MEIOC: variants seen among roughly 807,000 people sequenced by gnomAD.
MEIOC encodes meiosis-specific coiled-coil domain-containing protein MEIOC.
A neutral mutation model predicts 85.3 loss-of-function variants in MEIOC; 9 were observed. The ratio of observed to expected loss-of-function variants is 0.11; its 90% CI spans 0.06 to 0.18. The LOEUF is 0.18. Among genes scored for constraint, MEIOC ranks in the 10% least tolerant of loss-of-function variants. The pLI is 1.00. For missense variants in MEIOC, 898 were observed against 1,129.4 expected, an observed-to-expected ratio of 0.80 and a Z score of 2.94; for synonymous variants, 365 against 393.7, an observed-to-expected ratio of 0.93 and a Z score of 0.86.
chr17:44,673,616 T>C, intron 7 of MEIOC, 70 bp downstream of exon 7: 1 of 1,272,644 alleles, frequency 7.9e-7, no homozygotes, highest in Non-Finnish European at 1.1e-6. Context: ...AATCAGATTC[T>C]GAGGTTGAAA....
chr17:44,664,703 G>A (rs1296055111), intron 3 of MEIOC, among the ~76,000 whole-genome samples: 5 of 152,122 alleles, frequency 3.3e-5, no homozygotes, highest in Admixed American at 3.3e-4. Context: ...AACTGTAACA[G>A]GTAAAAGGTA....
intron 2 of MEIOC, among the ~76,000 whole-genome samples, chr17:44,660,218 T>TTTTTA (rs1164186129): frequency 1.1e-4 from 17 of 151,834 alleles, no homozygotes; most frequent in African/African-American, 2.7e-4. Flanking sequence ...ATCTTTTCCT[T>TTTTTA]TTTTATTTTA....
intron 2 of MEIOC, among the ~76,000 whole-genome samples, chr17:44,660,251 T>C (rs376980639): frequency 6.6e-6 from 1 of 151,934 alleles, no homozygotes. Context: ...TATTTATTTA[T>C]TTATTTTGAG....
chr17:44,676,200 A>G (rs2144681172), downstream of MEIOC: 1 of 152,328 alleles, frequency 6.6e-6, no homozygotes, highest in Non-Finnish European at 1.5e-5. Flanking sequence ...ATATCCTCTA[A>G]CAGATGGTTC....
chr17:44,669,400 C>A lies in MEIOC; in HGVS notation c.2340C>A (p.Ala780=). The A allele has an allele frequency of 6.4e-7, 1 of 1,571,502 alleles. No individual in the cohort carries two copies. Among genetic ancestry groups the A allele is most frequent in the South Asian group, 1.2e-5 (1 of 85,188 alleles). The part of the protein sequence containing the change: ...KERKKTELAL[A]KNYPGKKVSS... ...TTTTACAGACTGAATTAGCCCTTGC[C>A]AAGAATTATCCTGGAAAAAAAGTAT... The change falls in exon 6 of 8, where the codon GCC becomes GCA. Residue 780 remains alanine (A), a synonymous_variant. Coordinates refer to ENST00000409122, the MANE Select transcript of MEIOC (RefSeq NM_001145080.3).
chr17:44,656,562 C>T lies in MEIOC; in HGVS notation c.-52C>T. Reference sequence around the variant, plus strand: ...CCGGGCCTGGACGCCCCCCCCATCACCCCCGTACCCCAGGAGCTGTGCCTA... The same window carrying T: ...CCGGGCCTGGACGCCCCCCCCATCATCCCCGTACCCCAGGAGCTGTGCCTA... On this transcript the variant is annotated 5_prime_UTR_variant, in exon 1 of 8. Coordinates refer to ENST00000409122, the MANE Select transcript of MEIOC (RefSeq NM_001145080.3). 3 of 1,349,028 alleles carry T rather than the reference C, an allele frequency of 2.2e-6. No homozygotes were observed. Among genetic ancestry groups the T allele is most frequent in the Non-Finnish European group, 2.9e-6 (3 of 1,032,516 alleles). The allele number at this position is 1,349,028 out of a possible 1,614,324, so 83.6% of individuals were successfully genotyped here.
chr17:44,667,833 A>G lies in MEIOC; in HGVS notation c.1922A>G (p.Gln641Arg). The change falls in exon 5 of 8, where the codon CAG becomes CGG. Residue 641 changes from glutamine (Q) to arginine (R), a missense_variant. Gln to Arg is a conservative substitution (Grantham distance 43). This residue lies in a region of MEIOC where 734 missense variants were observed against 860.1 expected (regional missense o/e 0.85). Coordinates refer to ENST00000409122, the MANE Select transcript of MEIOC (RefSeq NM_001145080.3). ...QNTYQDLLES[Q>R]GHSNSHRTRG... is the part of the protein sequence containing the mutation. Reference sequence around the variant, plus strand: ...ACATACCAAGATCTACTGGAGTCACAGGGTCATTCTAATAGCCACAGAACG... The same window carrying G: ...ACATACCAAGATCTACTGGAGTCACGGGGTCATTCTAATAGCCACAGAACG... The G allele has an allele frequency of 6.2e-7, 1 of 1,613,948 alleles. No individual in the cohort carries two copies. Among genetic ancestry groups the G allele is most frequent in the Non-Finnish European group, 8.5e-7 (1 of 1,179,868 alleles).
intron 5 of MEIOC, among the ~76,000 whole-genome samples, chr17:44,669,151 C>T (rs182203605): frequency 4.0e-5 from 6 of 151,668 alleles, no homozygotes; most frequent in African/African-American, 9.7e-5. Flanking sequence ...TACAGTGAGC[C>T]GAGACTGCAC....
Position 44,674,428 on chromosome 17 carries a change from GA to G in MEIOC, c.*233del. 1 of 1,255,106 alleles carries G rather than the reference GA, an allele frequency of 8.0e-7. No homozygotes were observed. The highest frequency in any genetic ancestry group is 1.0e-6 in the Non-Finnish European group (1 of 997,020). 77.7% of individuals were successfully genotyped at this position (1,255,106 alleles called of 1,614,324 possible). On this transcript the variant is annotated 3_prime_UTR_variant, in exon 8 of 8. Coordinates refer to ENST00000409122, the MANE Select transcript of MEIOC (RefSeq NM_001145080.3). ...GACTACTCAGAGTTCTGAGTAGTCA[GA>G]TAACAAGTTTAAGTAAATTAAATAT...
In MEIOC at chr17:44,675,625, T is replaced by C. The variant is rs1447956107; in HGVS notation, c.*1429T>C. Reference sequence around the variant, plus strand: ...GGGAGAAACATTTTGATCACTGATATGCCTTAGAACTACCCAAATGAATTA... The same window carrying C: ...GGGAGAAACATTTTGATCACTGATACGCCTTAGAACTACCCAAATGAATTA... On this transcript the variant is annotated 3_prime_UTR_variant, in exon 8 of 8. Coordinates refer to ENST00000409122, the MANE Select transcript of MEIOC (RefSeq NM_001145080.3). 1 of 984,726 alleles carries C rather than the reference T, an allele frequency of 1.0e-6. No homozygotes were observed. The highest frequency in any genetic ancestry group is 6.2e-5 in the Admixed American group (1 of 16,254). The allele number at this position is 984,726 out of a possible 1,614,324, so 61.0% of individuals were successfully genotyped here. A position where few individuals can be genotyped will look rare whatever the true frequency, so the allele number is the denominator to read the frequency against.
chr17:44,674,095 G>A lies in MEIOC; in HGVS notation c.2758G>A (p.Val920Ile). 2 of 1,551,730 alleles carry A rather than the reference G, an allele frequency of 1.3e-6. No homozygotes were observed. The highest frequency in any genetic ancestry group is 1.7e-6 in the Non-Finnish European group (2 of 1,147,004). ...LPKTASTADV[V>I]KPLQDTVNCE... Reference sequence around the variant, plus strand: ...AAAAACAGCCAGTACAGCTGATGTGGTAAAGCCTTTACAAGATACAGTAAA... The same window carrying A: ...AAAAACAGCCAGTACAGCTGATGTGATAAAGCCTTTACAAGATACAGTAAA... The change falls in exon 8 of 8, where the codon GTA becomes ATA. Residue 920 changes from valine (V) to isoleucine (I), a missense_variant. Physicochemically the swap from Val to Ile is conservative, Grantham distance 29. Transcript: ENST00000409122.
chr17:44,666,748 C>T lies in MEIOC; in HGVS notation c.837C>T (p.Ile279=), dbSNP rs749202239. 4 of 1,609,706 alleles carry T rather than the reference C, an allele frequency of 2.5e-6. No individual in the cohort carries two copies. In the South Asian group the frequency reaches 4.4e-5, roughly 18 times the overall value. ...CACCCCAAACTGGTCTGTCTGATAT[C>T]ATGAAAGAATCAGGAGTTGATATCT... is the stretch of plus-strand genomic sequence containing the variant. The part of the protein sequence containing the change: ...CFTPQTGLSD[I]MKESGVDIYH... Residue 279 remains isoleucine (I), a synonymous_variant, in exon 5 of 8, where the codon ATC becomes ATT. Transcript: ENST00000409122.
chr17:44,676,657 C>T (rs550203758), downstream of MEIOC, among the ~76,000 whole-genome samples: 1 of 152,126 alleles, frequency 6.6e-6, no homozygotes, highest in Non-Finnish European at 1.5e-5. Context: ...CCCATCTCTA[C>T]TAAAAATACA....
chr17:44,662,264 C>G, intron 2 of MEIOC, 53 bp from the exon 3 acceptor site: 2 of 1,329,940 alleles, frequency 1.5e-6, no homozygotes, highest in Non-Finnish European at 2.1e-6. Context: ...TTCTCATATT[C>G]TACAACAAAT....
chr17:44,659,525 A>G (rs1048252555), intron 2 of MEIOC, among the ~76,000 whole-genome samples: 1 of 152,224 alleles, frequency 6.6e-6, no homozygotes, highest in African/African-American at 2.4e-5. Flanking sequence ...TGAATCCACC[A>G]CATTACTTTA....
At chr17:44,657,377 ACTTTT>A in intron 2 of MEIOC, 116 bp downstream of exon 2, 3 of 836,690 alleles carry the variant, frequency 3.6e-6, no homozygotes, top group Non-Finnish European at 5.1e-6. Context: ...ACCAGGGAAA[ACTTTT>A]TTTTTTTTTT....
At position 44,674,942 on chromosome 17, in the gene MEIOC, T is replaced by C; in HGVS notation, c.*746T>C. On this transcript the variant is annotated 3_prime_UTR_variant, in exon 8 of 8. Transcript: ENST00000409122. ...TTAAATGTTTCCAATTTTAAAGTTA[T>C]TTAAATTGAATCACAAAACATTCCC... The C allele has an allele frequency of 4.1e-6, 4 of 977,704 alleles. No individual in the cohort carries two copies. Among genetic ancestry groups the C allele is most frequent in the Non-Finnish European group, 4.9e-6 (4 of 822,838 alleles). 60.6% of individuals were successfully genotyped at this position (977,704 alleles called of 1,614,324 possible).
chr17:44,665,613 T>C (rs1971893005), intron 4 of MEIOC, 125 bp downstream of exon 4: 1 of 414,208 alleles, frequency 2.4e-6, no homozygotes, highest in Middle Eastern at 6.8e-4. Context: ...TTAATTCAAA[T>C]ATTGTTTCAA....
intron 3 of MEIOC, 35 bp from the exon 4 acceptor site, chr17:44,665,349 A>T (rs1971890253): frequency 3.0e-6 from 4 of 1,352,276 alleles, no homozygotes; most frequent in Admixed American, 2.2e-5. Flanking sequence ...AGTAATCAAT[A>T]TATTGTATTT....
Sources: allele counts gnomAD v4.1 joint callset (sites outside exome capture counted in the v4.1 genomes callset), GRCh38; gene constraint gnomAD v4.1.1; regional missense constraint gnomAD v4.1.1; transcripts MANE v1.5; gene names NCBI Gene and HGNC (gene_info 2026-07-23, HGNC 2026-07-21).